Variants in ULK2 observed in about 807,000 individuals in gnomAD.
ULK2 encodes the protein serine/threonine-protein kinase ULK2.
A neutral mutation model predicts 127.5 loss-of-function variants in ULK2; 76 were observed. That is an observed-to-expected ratio of 0.60 (90% CI 0.50 to 0.72). The LOEUF is 0.72. Among genes scored for constraint, ULK2 ranks in the 30% least tolerant of loss-of-function variants. ULK2 has a pLI of 0.00. For missense variants in ULK2, 1,144 were observed against 1,295.9 expected (o/e 0.88, Z 1.80); for synonymous variants, 452 against 461.9 (o/e 0.98, Z 0.28).
Position 19,773,989 on chromosome 17 carries a change from T to TATATAAACCAA in ULK2, c.*2359_*2360insTTGGTTTATAT, listed in dbSNP as rs551703118. ...AACTATATACAGCATAGGCTCTCTCTCTATATATAGTCCAGTGGAGGGTAT... is the reference window on the plus strand; with the variant it reads ...AACTATATACAGCATAGGCTCTCTCTATATAAACCAACTATATATAGTCCAGTGGAGGGTAT... On this transcript the variant is annotated 3_prime_UTR_variant, in exon 27 of 27. Coordinates refer to ENST00000395544, the MANE Select transcript of ULK2 (RefSeq NM_014683.4). 5,032 of 151,500 alleles carry TATATAAACCAA rather than the reference T, an allele frequency of 0.033. 104 individuals carry two copies. Among genetic ancestry groups the TATATAAACCAA allele is most frequent in the Middle Eastern group, 0.058 (17 of 294 alleles). 9.4% of individuals were successfully genotyped at this position (151,500 alleles called of 1,614,324 possible). A position where few individuals can be genotyped will look rare whatever the true frequency, so the allele number is the denominator to read the frequency against.
At chr17:19,835,280 G>C (rs1358324158) in intron 10 of ULK2, among the ~76,000 whole-genome samples, 1 of 150,982 alleles carries the variant, frequency 6.6e-6, no homozygotes, top group African/African-American at 2.4e-5. Flanking sequence ...CTCTCGAGTA[G>C]CTGGGACTAC....
intron 11 of ULK2, 105 bp from the exon 12 acceptor site, chr17:19,825,287 A>C: frequency 1.1e-6 from 1 of 884,262 alleles, no homozygotes; most frequent in Non-Finnish European, 1.8e-6. Flanking sequence ...GTTCCCCCAA[A>C]ATCTGCATTT....
chr17:19,780,468 T>C lies in ULK2; in HGVS notation c.2916+4A>G. On this transcript the variant is annotated splice_donor_region_variant and intron_variant, in intron 25 of 26. Coordinates refer to ENST00000395544, the MANE Select transcript of ULK2 (RefSeq NM_014683.4). ...ATACAATATTAAACCTTAGAAAGGG[T>C]TACCATTTCTACAGCACAATTATAG... is the stretch of plus-strand genomic sequence containing the variant. The C allele has an allele frequency of 6.2e-7, 1 of 1,606,422 alleles. No homozygotes were observed. Among genetic ancestry groups the C allele is most frequent in the Non-Finnish European group, 8.5e-7 (1 of 1,177,122 alleles).
chr17:19,804,756 T>C lies in ULK2; in HGVS notation c.1232A>G (p.Gln411Arg). 6.2e-7 allele frequency: 1 copy of C among 1,613,168 alleles called. No individual in the cohort carries two copies. ...IPVPTQIRNY[Q>R]RIEQNLTSTA... ...AGATGTAAGATTCTGCTCTATGCGC[T>C]GATAATTCCTTATTTGAGTAGGAAC... The change falls in exon 15 of 27, where the codon CAG becomes CGG. Residue 411 changes from glutamine (Q) to arginine (R), a missense_variant. Transcript: ENST00000395544.
intron 3 of ULK2, among the ~76,000 whole-genome samples, chr17:19,861,393 A>G (rs1421431771): frequency 6.6e-6 from 1 of 152,010 alleles, no homozygotes; most frequent in Non-Finnish European, 1.5e-5. Context: ...AAAAATACAA[A>G]AATTAGCCGG....
At position 19,804,849 on chromosome 17, in the gene ULK2, GA is replaced by G. The variant is rs752760575; in HGVS notation, c.1158-20del. Reference sequence around the variant, plus strand: ...ACACTGCCTGCAATCGTAATTTATTGAAAAAGGAAAGAAACAGTGGTAGGAT... The same window carrying G: ...ACACTGCCTGCAATCGTAATTTATTGAAAAGGAAAGAAACAGTGGTAGGAT... On this transcript the variant is annotated intron_variant, in intron 14 of 26. Transcript: ENST00000395544. 5.0e-6 allele frequency: 8 copies of G among 1,604,536 alleles called. No individual in the cohort carries two copies. The South Asian group carries it at 5.6e-5, about 11-fold the overall frequency.
intron 9 of ULK2, among the ~76,000 whole-genome samples, chr17:19,841,109 G>A (rs962436873): frequency 2.6e-5 from 4 of 151,912 alleles, no homozygotes; most frequent in East Asian, 1.9e-4. Context: ...ATTCAAACAC[G>A]TATAAAGAAC....
chr17:19,797,645 G>C lies in ULK2; in HGVS notation c.1560C>G (p.Leu520=), dbSNP rs1206209764. ...CGCTCTGCAGTCTAGCACCCGATAA[G>C]AGAGACTGTGGGGACTGAGCTTGTG... ...PVPQAQSPQS[L]LSGARLQSAP... The change falls in exon 18 of 27, where the codon CTC becomes CTG. Residue 520 remains leucine (L), a synonymous_variant. Transcript: ENST00000395544. The C allele has an allele frequency of 6.9e-6, 11 of 1,590,720 alleles. No individual in the cohort carries two copies. The highest frequency in any genetic ancestry group is 9.4e-6 in the Non-Finnish European group (11 of 1,167,390).
At chr17:19,844,109 C>T (rs1309931797) in intron 7 of ULK2, among the ~76,000 whole-genome samples, 2 of 152,082 alleles carry the variant, frequency 1.3e-5, no homozygotes, top group African/African-American at 4.8e-5. Flanking sequence ...AACTATGATG[C>T]AAAACCCCAC....
Position 19,846,913 on chromosome 17 carries a change from G to A in ULK2, c.296-3C>T. ...GTCTTCACTGAGAGTCCCTTTCGCT[G>A]GTACAAAAGGAGTCACGTAAATATT... On this transcript the variant is annotated splice_region_variant and splice_polypyrimidine_tract_variant and intron_variant, in intron 5 of 26. Transcript: ENST00000395544. 1 of 1,598,372 alleles carries A rather than the reference G, an allele frequency of 6.3e-7. No homozygotes were observed. Among genetic ancestry groups the A allele is most frequent in the South Asian group, 1.1e-5 (1 of 87,758 alleles).
chr17:19,780,944 T>C (rs781046942), intron 24 of ULK2, 42 bp downstream of exon 24: 11 of 1,573,176 alleles, frequency 7.0e-6, no homozygotes, highest in Non-Finnish European at 8.7e-6. Flanking sequence ...AAGAGCAACT[T>C]AAGGACTGAC....
At chr17:19,800,289 C>A (rs747376984) in intron 16 of ULK2, among the ~76,000 whole-genome samples, 1 of 152,134 alleles carries the variant, frequency 6.6e-6, no homozygotes, top group Non-Finnish European at 1.5e-5. Context: ...GCATCCATTT[C>A]TCTGAGAATT....
rs189000179 is a variant in ULK2 at position 19,824,999 on chromosome 17, A to G, written c.924+95T>C. On this transcript the variant is annotated intron_variant, in intron 12 of 26. Coordinates refer to ENST00000395544, the MANE Select transcript of ULK2 (RefSeq NM_014683.4). ...TCAGCTACATTAGTAAACATTACAC[A>G]TAAAAAGAATATCCACAGTGTATGT... 984 of 1,181,906 alleles carry G rather than the reference A, an allele frequency of 8.3e-4. 6 individuals are homozygous for G. The African/African-American group carries it at 0.012, about 15-fold the overall frequency. 73.2% of individuals were successfully genotyped at this position (1,181,906 alleles called of 1,614,324 possible). A position where few individuals can be genotyped will look rare whatever the true frequency, so the allele number is the denominator to read the frequency against.
chr17:19,861,118 T>C (rs1179919015), intron 3 of ULK2: 1 of 151,996 alleles, frequency 6.6e-6, no homozygotes, highest in South Asian at 2.1e-4. Flanking sequence ...TACAAAATAA[T>C]ATAACATTTG....
chr17:19,816,992 G>T, intron 12 of ULK2, 72 bp from the exon 13 acceptor site: 1 of 1,435,694 alleles, frequency 7.0e-7, no homozygotes, highest in South Asian at 1.5e-5. Flanking sequence ...CTAGACTAAG[G>T]AATTTTTTTT....
At chr17:19,825,300 CTATT>C (rs2041260525) in intron 11 of ULK2, 118 bp from the exon 12 acceptor site, 2 of 739,826 alleles carry the variant, frequency 2.7e-6, no homozygotes, top group East Asian at 2.7e-5. Context: ...CTGCATTTAC[CTATT>C]TATTACCACA....
intron 12 of ULK2, among the ~76,000 whole-genome samples, chr17:19,820,141 C>T (rs1457523349): frequency 6.6e-6 from 1 of 151,588 alleles, no homozygotes; most frequent in African/African-American, 2.4e-5. Flanking sequence ...CTCCGCCTCC[C>T]GGGTTCAAGC....
In ULK2 at chr17:19,784,601, G is replaced by GGT. The variant is rs1434558530; in HGVS notation, c.2252-697_2252-696insAC. ...TGCAGTGGCGTGATCACAGCTCACT[G>GGT]CAGCCTTGATTTTCTGGGCTCAGGT... On this transcript the variant is annotated intron_variant, in intron 21 of 26. Coordinates refer to ENST00000395544, the MANE Select transcript of ULK2 (RefSeq NM_014683.4). Among the ~76,000 whole-genome samples the GGT allele has an allele frequency of 2.3e-5, 3 of 133,198 alleles. No individual in the cohort carries two copies. In the East Asian group the frequency reaches 7.1e-4, roughly 32 times the overall value. 87.4% of individuals were successfully genotyped at this position (133,198 alleles called of 152,430 possible). A position where few individuals can be genotyped will look rare whatever the true frequency, so the allele number is the denominator to read the frequency against.
chr17:19,790,695 T>C (rs1372640222), intron 20 of ULK2, among the ~76,000 whole-genome samples: 1 of 152,154 alleles, frequency 6.6e-6, no homozygotes, highest in East Asian at 1.9e-4. Flanking sequence ...TCTTCAGCCA[T>C]GAGTTAAAAG....
Sources: gnomAD v4.1 joint callset for allele counts (sites outside exome capture counted in the v4.1 genomes callset) on GRCh38, gnomAD v4.1.1 for gene constraint, MANE v1.5 for transcripts, NCBI Gene and HGNC (gene_info 2026-07-23, HGNC 2026-07-21) for gene names.